Variants in CDH13 observed in about 807,000 individuals in gnomAD.
CDH13 encodes the protein cadherin 13, also known as cadherin-13.
CDH13 carries 24 observed loss-of-function variants against 63.8 expected under a neutral mutation model. The observed-to-expected ratio is 0.38, with a 90% CI of 0.27 to 0.53. CDH13 has a LOEUF of 0.53. CDH13 is among the 20% of genes least tolerant of loss of function. The probability of loss-of-function intolerance (pLI) is 0.85; values close to 1 mark genes in which losing one functional copy is unlikely to be tolerated. For missense variants in CDH13, 1,049 were observed against 903.1 expected, an observed-to-expected ratio of 1.16 and a Z score of -2.07; for synonymous variants, 503 against 355.3, an observed-to-expected ratio of 1.42 and a Z score of -4.67.
chr16:83,750,049 G>T (rs1258312439), intron 11 of CDH13, among the ~76,000 whole-genome samples: 1 of 152,212 alleles, frequency 6.6e-6, no homozygotes, highest in African/African-American at 2.4e-5. Context: ...TGTAGTCCCA[G>T]AACGTTGGGA....
intron 3 of CDH13, among the ~76,000 whole-genome samples, chr16:83,100,450 A>G (rs1045753897): frequency 1.3e-5 from 2 of 152,162 alleles, no homozygotes; most frequent in East Asian, 1.9e-4. Flanking sequence ...GAATTTTTTC[A>G]TTTCATGCAG....
intron 3 of CDH13, among the ~76,000 whole-genome samples, chr16:83,094,153 A>C (rs12716959): frequency 0.4 from 60,104 of 152,036 alleles, 12,620 homozygotes; most frequent in Middle Eastern, 0.57. Flanking sequence ...CTCTGGCTTA[A>C]CTGCAAAGCA....
intron 1 of CDH13, among the ~76,000 whole-genome samples, chr16:82,654,568 C>G (rs563952518): frequency 6.6e-4 from 101 of 152,190 alleles, no homozygotes; most frequent in African/African-American, 2.1e-3. Flanking sequence ...CTCAAATAAT[C>G]CTGATTGACT....
At chr16:83,362,343 C>G (rs2091178114) in intron 6 of CDH13, among the ~76,000 whole-genome samples, 1 of 152,200 alleles carries the variant, frequency 6.6e-6, no homozygotes, top group Non-Finnish European at 1.5e-5. Flanking sequence ...TGAAAGACAG[C>G]TTTTGAAAAC....
chr16:83,089,129 T>G (rs2033766043), intron 3 of CDH13, among the ~76,000 whole-genome samples: 1 of 152,204 alleles, frequency 6.6e-6, no homozygotes, highest in Admixed American at 6.5e-5. Context: ...AGCGTATATT[T>G]TGTTAAATAT....
At position 83,469,339 on chromosome 16, in the gene CDH13, G is replaced by C. The variant is rs368274001; in HGVS notation, c.782-17138G>C. On this transcript the variant is annotated intron_variant, in intron 6 of 13. Coordinates refer to ENST00000567109, the MANE Select transcript of CDH13 (RefSeq NM_001257.5). ...AGGCCCTAATATTTCTTTGTGCTCAGTGAACGGGCAAGTTATCCTGAGGAA... is the reference window on the plus strand; with the variant it reads ...AGGCCCTAATATTTCTTTGTGCTCACTGAACGGGCAAGTTATCCTGAGGAA... Among the ~76,000 whole-genome samples, 5 of 152,318 alleles carry C rather than the reference G, an allele frequency of 3.3e-5. No individual in the cohort carries two copies. The East Asian group carries it at 7.7e-4, about 24-fold the overall frequency.
intron 9 of CDH13, among the ~76,000 whole-genome samples, chr16:83,671,992 C>T (rs1914538084): frequency 6.6e-6 from 1 of 152,160 alleles, no homozygotes; most frequent in Non-Finnish European, 1.5e-5. Flanking sequence ...TTCATGGGAA[C>T]ACATTTTCTT....
intron 3 of CDH13, among the ~76,000 whole-genome samples, chr16:83,076,193 C>T (rs1234853881): frequency 6.6e-6 from 1 of 152,142 alleles, no homozygotes; most frequent in African/African-American, 2.4e-5. Flanking sequence ...GGCTTTTTTA[C>T]TCAGGCACAA....
rs1326086768 is a variant in CDH13 at position 82,964,245 on chromosome 16, C to G, written c.158-67765C>G. Among the ~76,000 whole-genome samples the G allele has an allele frequency of 2.0e-5, 3 of 152,136 alleles. No individual in the cohort carries two copies. The East Asian group carries it at 5.8e-4, about 29-fold the overall frequency. ...GGCTGATGTAATTTCCTTGAAGTCC[C>G]CTGTAAAGCATTTTACTCTGTAATA... is the stretch of plus-strand genomic sequence containing the variant. On this transcript the variant is annotated intron_variant, in intron 2 of 13. Transcript: ENST00000567109.
At chr16:82,764,706 C>G (rs941996227) in intron 1 of CDH13, among the ~76,000 whole-genome samples, 1 of 152,058 alleles carries the variant, frequency 6.6e-6, no homozygotes, top group Non-Finnish European at 1.5e-5. Flanking sequence ...ATGAAAGACA[C>G]AAATTCAGGA....
intron 10 of CDH13, among the ~76,000 whole-genome samples, chr16:83,688,433 A>C (rs1382835754): frequency 1.3e-5 from 2 of 152,238 alleles, no homozygotes; most frequent in African/African-American, 4.8e-5. Flanking sequence ...TAAGAGTTTA[A>C]ATTGGGGTGA....
At chr16:82,915,340 G>A (rs148182245) in intron 2 of CDH13, among the ~76,000 whole-genome samples, 5 of 152,278 alleles carry the variant, frequency 3.3e-5, no homozygotes, top group East Asian at 3.9e-4. Flanking sequence ...CTCTGGGTAC[G>A]TCTTACAGGC....
At chr16:83,535,406 G>A (rs567331672) in intron 7 of CDH13, among the ~76,000 whole-genome samples, 16 of 152,340 alleles carry the variant, frequency 1.1e-4, no homozygotes, top group East Asian at 1.9e-4. Flanking sequence ...CAAAGTAGAG[G>A]GAAATAATTG....
At chr16:83,276,641 C>A (rs542043551) in intron 5 of CDH13, among the ~76,000 whole-genome samples, 2 of 152,000 alleles carry the variant, frequency 1.3e-5, no homozygotes, top group Non-Finnish European at 2.9e-5. Context: ...GAGGCCAAGT[C>A]GGGAGGATCA....
intron 2 of CDH13, among the ~76,000 whole-genome samples, chr16:82,895,458 C>G (rs2041221175): frequency 6.6e-6 from 1 of 152,108 alleles, no homozygotes; most frequent in South Asian, 2.1e-4. Flanking sequence ...AGAGTAAAGG[C>G]CCAGACTCAC....
intron 6 of CDH13, among the ~76,000 whole-genome samples, chr16:83,392,497 G>A (rs901282327): frequency 6.6e-6 from 1 of 152,132 alleles, no homozygotes; most frequent in Non-Finnish European, 1.5e-5. Flanking sequence ...TCATCGTAAT[G>A]ACTCCCCTGA....
At position 83,631,537 on chromosome 16, in the gene CDH13, G is replaced by A. The variant is rs990911310; in HGVS notation, c.1101+28943G>A. Among the ~76,000 whole-genome samples the A allele has an allele frequency of 2.6e-5, 4 of 152,162 alleles. No homozygotes were observed. In the East Asian group the frequency reaches 5.8e-4, roughly 22 times the overall value. On this transcript the variant is annotated intron_variant, in intron 8 of 13. Transcript: ENST00000567109. The stretch of plus-strand genomic sequence containing the variant: ...TCGGGAAGATCCACAGCAAAATGAT[G>A]GAGTTCTTTCATTTAGCAGAGTTAC...
intron 3 of CDH13, among the ~76,000 whole-genome samples, chr16:83,094,053 G>T (rs982982482): frequency 6.6e-6 from 1 of 152,184 alleles, no homozygotes; most frequent in African/African-American, 2.4e-5. Context: ...CCATTTTTAA[G>T]AGCAGGGTGA....
chr16:83,049,829 A>G (rs1018011905), intron 3 of CDH13, among the ~76,000 whole-genome samples: 7 of 152,200 alleles, frequency 4.6e-5, no homozygotes. Flanking sequence ...GTATTTGAGT[A>G]CTAATTTTTT....
Sources: gnomAD v4.1 joint callset for allele counts (sites outside exome capture counted in the v4.1 genomes callset) on GRCh38, gnomAD v4.1.1 for gene constraint, MANE v1.5 for transcripts, NCBI Gene and HGNC (gene_info 2026-07-23, HGNC 2026-07-21) for gene names.